ADGRF3: variants seen among roughly 807,000 people sequenced by gnomAD.
ADGRF3 encodes G protein-coupled receptor 113.
A neutral mutation model predicts 93.2 loss-of-function variants in ADGRF3; 85 were observed. The ratio of observed to expected loss-of-function variants is 0.91; its 90% CI spans 0.77 to 1.09. ADGRF3 has a LOEUF of 1.09. Among genes scored for constraint, ADGRF3 ranks in the 50% least tolerant of loss-of-function variants. The pLI, the probability that ADGRF3 is intolerant of heterozygous loss-of-function variation, is 0.00. For missense variants in ADGRF3, 1,125 were observed against 1,246.2 expected, an observed-to-expected ratio of 0.90 and a Z score of 1.46; for synonymous variants, 534 against 532.5, an observed-to-expected ratio of 1.00 and a Z score of -0.04.
At chr2:26,316,824 G>T in intron 3 of ADGRF3, 88 bp downstream of exon 3, 1 of 1,406,294 alleles carries the variant, frequency 7.1e-7, no homozygotes. Flanking sequence ...AATACAGAGG[G>T]GCTCACAGAG....
At chr2:26,310,646 G>C in intron 10 of ADGRF3, 46 bp downstream of exon 10, 2 of 1,553,676 alleles carry the variant, frequency 1.3e-6, no homozygotes, top group Non-Finnish European at 1.7e-6. Flanking sequence ...CAGTGACTTA[G>C]ACCATCTAAA....
At chr2:26,326,927 T>C (rs1386998890) in intron 1 of ADGRF3, among the ~76,000 whole-genome samples, 1 of 152,042 alleles carries the variant, frequency 6.6e-6, no homozygotes, top group Non-Finnish European at 1.5e-5. Context: ...CCACCACCAC[T>C]CCCGGCTAAT....
chr2:26,338,941 T>A (rs1041548123), intron 1 of ADGRF3, among the ~76,000 whole-genome samples: 1 of 148,584 alleles, frequency 6.7e-6, no homozygotes, highest in Non-Finnish European at 1.5e-5. Flanking sequence ...ATCAAGACCA[T>A]CCTGGCCAAC....
rs760169000 is a variant in ADGRF3 at position 26,317,018 on chromosome 2, A to T, written c.219T>A (p.Phe73Leu). Reference sequence around the variant, plus strand: ...GTTCAGGGGGCCAGGTCTTATCTGGAAAGTCCAGATGTACATAGACGGAGA... The same window carrying T: ...GTTCAGGGGGCCAGGTCTTATCTGGTAAGTCCAGATGTACATAGACGGAGA... ...ALVSVYVHLD[F>L]PDKTWPPELS... Residue 73 changes from phenylalanine to leucine, a missense_variant, in exon 3 of 14, where the codon TTT becomes TTA. Transcript: ENST00000651242. 6.2e-7 allele frequency: 1 copy of T among 1,612,936 alleles called. No individual in the cohort carries two copies. Among genetic ancestry groups the T allele is most frequent in the South Asian group, 1.1e-5 (1 of 90,882 alleles).
chr2:26,332,192 C>A (rs187940197), intron 1 of ADGRF3, among the ~76,000 whole-genome samples: 5 of 152,248 alleles, frequency 3.3e-5, no homozygotes, highest in Non-Finnish European at 7.4e-5. Flanking sequence ...GTTGGGTAAA[C>A]GAGTTTGCCT....
intron 1 of ADGRF3, chr2:26,318,825 C>A: frequency 1.4e-6 from 2 of 1,397,934 alleles, no homozygotes; most frequent in Non-Finnish European, 2.0e-6. Flanking sequence ...AAAGCATCCA[C>A]TTTCCTTACA....
chr2:26,327,942 C>G (rs1325173505), intron 1 of ADGRF3, among the ~76,000 whole-genome samples: 1 of 152,116 alleles, frequency 6.6e-6, no homozygotes, highest in East Asian at 1.9e-4. Context: ...CCCCTCAACA[C>G]TGTGGCATTA....
At position 26,310,850 on chromosome 2, in the gene ADGRF3, G is replaced by A. The variant is rs775227693; in HGVS notation, c.2674C>T (p.Pro892Ser). 2 of 1,613,120 alleles carry A rather than the reference G, an allele frequency of 1.2e-6. No homozygotes were observed. Among genetic ancestry groups the A allele is most frequent in the Non-Finnish European group, 1.7e-6 (2 of 1,179,590 alleles). The change falls in exon 10 of 14, where the codon CCC (proline) becomes TCC (serine). Residue 892 changes from proline (P) to serine (S), a missense_variant. Coordinates refer to ENST00000651242, the MANE Select transcript of ADGRF3 (RefSeq NM_001321971.2). Reference sequence around the variant, plus strand: ...AGAGCTTGGCGCTTCTCTGCTGGGGGTCCCTCTGACAGCGAAGGTCTCAGC... The same window carrying A: ...AGAGCTTGGCGCTTCTCTGCTGGGGATCCCTCTGACAGCGAAGGTCTCAGC... ...KLLRPSLSEGPPAEKRQALLG... is the reference protein window; with the variant it reads ...KLLRPSLSEGSPAEKRQALLG...
intron 10 of ADGRF3, 86 bp downstream of exon 10, chr2:26,310,606 C>T: frequency 7.3e-7 from 1 of 1,373,996 alleles, no homozygotes; most frequent in Non-Finnish European, 9.9e-7. Context: ...TCTTCTGCTC[C>T]ACCTTGGTAC....
chr2:26,319,075 C>A, intron 1 of ADGRF3: 2 of 1,534,442 alleles, frequency 1.3e-6, no homozygotes, highest in Non-Finnish European at 1.8e-6. Flanking sequence ...TCCCTACAAG[C>A]CCACGATGCA....
intron 1 of ADGRF3, among the ~76,000 whole-genome samples, chr2:26,331,311 A>T (rs1372999302): frequency 6.6e-6 from 1 of 152,174 alleles, no homozygotes; most frequent in Admixed American, 6.5e-5. Flanking sequence ...TCACTTTAGG[A>T]GGCCGAGGCG....
In ADGRF3 at chr2:26,311,996, A is replaced by G. The variant is rs1313750487; in HGVS notation, c.1528T>C (p.Trp510Arg). The change falls in exon 10 of 14, where the codon TGG (tryptophan) becomes CGG (arginine). Residue 510 changes from tryptophan (W) to arginine (R), a missense_variant. Trp to Arg is a moderately radical substitution (Grantham distance 101). Transcript: ENST00000651242. ...LWTLAQARKP[W>R]AGSTLLLAVE... ...GCCAGCAGGAGAGTCGAGCCTGCCC[A>G]GGGCTTCCGGGCTTGGGCCAGGGTC... The G allele has an allele frequency of 3.7e-6, 6 of 1,613,414 alleles. No individual in the cohort carries two copies. Among genetic ancestry groups the G allele is most frequent in the Admixed American group, 3.3e-5 (2 of 60,022 alleles).
chr2:26,319,328 C>T lies in ADGRF3; in HGVS notation c.115-1766G>A, dbSNP rs549202417. On this transcript the variant is annotated intron_variant, in intron 1 of 13. Coordinates refer to ENST00000651242, the MANE Select transcript of ADGRF3 (RefSeq NM_001321971.2). Reference sequence around the variant, plus strand: ...GGAGAGGCTTAGGGGTTCGAAGTCACAACCAGCAACATGTCTATAAGCCAG... The same window carrying T: ...GGAGAGGCTTAGGGGTTCGAAGTCATAACCAGCAACATGTCTATAAGCCAG... Among the ~76,000 whole-genome samples the T allele has an allele frequency of 2.2e-4, 33 of 152,300 alleles. No homozygotes were observed. In the South Asian group the frequency reaches 6.8e-3, roughly 32 times the overall value.
At chr2:26,312,238 C>G (rs1180770994) in intron 9 of ADGRF3, among the ~76,000 whole-genome samples, 164 bp from the exon 10 acceptor site, 2 of 150,458 alleles carry the variant, frequency 1.3e-5, no homozygotes, top group Non-Finnish European at 3.0e-5. Flanking sequence ...GGGAGACTTT[C>G]TAGATGGGAA....
intron 8 of ADGRF3, 73 bp from the exon 9 acceptor site, chr2:26,313,195 T>C: frequency 6.4e-7 from 1 of 1,556,938 alleles, no homozygotes; most frequent in South Asian, 1.2e-5. Context: ...CCCAGACCCA[T>C]GGAGATTGTT....
At chr2:26,320,520 G>A (rs551026615) in intron 1 of ADGRF3, among the ~76,000 whole-genome samples, 1 of 152,100 alleles carries the variant, frequency 6.6e-6, no homozygotes, top group African/African-American at 2.4e-5. Context: ...TAAAAAAGAA[G>A]TAGTTTGATA....
Position 26,313,803 on chromosome 2 carries a change from G to A in ADGRF3, c.1029C>T (p.Gly343=). 1.2e-6 allele frequency: 2 copies of A among 1,613,974 alleles called. No homozygotes were observed. The highest frequency in any genetic ancestry group is 8.5e-7 in the Non-Finnish European group (1 of 1,179,868). ...TTYACDLQSL[G]LAPLRVPISI... ...AGATGGGGACCCTGAGTGGAGCCAGGCCCAGGCTCTGCAGGTCACAAGCGT... is the reference window on the plus strand; with the variant it reads ...AGATGGGGACCCTGAGTGGAGCCAGACCCAGGCTCTGCAGGTCACAAGCGT... Residue 343 remains glycine, a synonymous_variant, in exon 7 of 14, where the codon GGC becomes GGT. Coordinates refer to ENST00000651242, the MANE Select transcript of ADGRF3 (RefSeq NM_001321971.2).
chr2:26,335,513 C>T (rs1327167477), intron 1 of ADGRF3, among the ~76,000 whole-genome samples: 2 of 152,136 alleles, frequency 1.3e-5, no homozygotes, highest in African/African-American at 4.8e-5. Flanking sequence ...AGTAGAATGA[C>T]TGGGTCAGGT....
At chr2:26,318,768 C>T (rs1046495514) in intron 1 of ADGRF3, 4 of 815,164 alleles carry the variant, frequency 4.9e-6, no homozygotes, top group Non-Finnish European at 7.8e-6. Flanking sequence ...CAAGAGCTAT[C>T]CCCCACACCC....
Sources: allele counts gnomAD v4.1 joint callset (sites outside exome capture counted in the v4.1 genomes callset), GRCh38; gene constraint gnomAD v4.1.1; transcripts MANE v1.5; gene names NCBI Gene and HGNC (gene_info 2026-07-23, HGNC 2026-07-21).